The following LRRC37A2 variants were observed in gnomAD, a reference collection of about 807,000 sequenced individuals.
The protein encoded by LRRC37A2 is leucine rich repeat containing 37 member A2.
A neutral mutation model predicts 68.8 loss-of-function variants in LRRC37A2; 9 were observed. The ratio of observed to expected loss-of-function variants is 0.13; its 90% CI spans 0.08 to 0.23. LRRC37A2 has a LOEUF of 0.23. Among genes scored for constraint, LRRC37A2 ranks in the 10% least tolerant of loss-of-function variants. The probability of loss-of-function intolerance (pLI) is 1.00; values close to 1 mark genes in which losing one functional copy is unlikely to be tolerated. For missense variants in LRRC37A2, 168 were observed against 950.4 expected, an observed-to-expected ratio of 0.18 and a Z score of 10.82; for synonymous variants, 63 against 367.6, an observed-to-expected ratio of 0.17 and a Z score of 9.48.
chr17:46,811,589 G>A, the LRRC37A2 span, among the ~76,000 whole-genome samples: 1 of 152,124 alleles, frequency 6.6e-6, no homozygotes, highest in African/African-American at 2.4e-5. Context: ...GAGCAAACCT[G>A]CAGGCAGGCC....
the LRRC37A2 span, chr17:46,966,637 C>A: frequency 3.1e-6 from 2 of 635,592 alleles, no homozygotes; most frequent in Non-Finnish European, 5.7e-6. Context: ...GTATGAGCCA[C>A]CACCCTGACC....
the LRRC37A2 span, among the ~76,000 whole-genome samples, chr17:46,827,506 A>G: frequency 1.3e-5 from 2 of 152,310 alleles, no homozygotes; most frequent in African/African-American, 2.4e-5. Context: ...GAGCCAAGAG[A>G]GAGAAACAAA....
the LRRC37A2 span, chr17:46,930,301 A>G: frequency 6.6e-6 from 1 of 152,144 alleles, no homozygotes; most frequent in Non-Finnish European, 1.5e-5. Flanking sequence ...CACTGCTGTC[A>G]CTTCTTTATG....
chr17:46,918,006 C>G, the LRRC37A2 span, among the ~76,000 whole-genome samples: 1 of 152,222 alleles, frequency 6.6e-6, no homozygotes, highest in Non-Finnish European at 1.5e-5. Context: ...GTACTTTTCT[C>G]TACTAATTAT....
At chr17:46,500,858 A>C in the LRRC37A2 span, among the ~76,000 whole-genome samples, 1 of 151,144 alleles carries the variant, frequency 6.6e-6, no homozygotes, top group African/African-American at 2.5e-5. Context: ...ATGGTTCCCC[A>C]AACAGCACAA....
chr17:46,544,776 C>T (rs2048476), intron 8 of LRRC37A2, among the ~76,000 whole-genome samples: 50,734 of 87,236 alleles, frequency 0.58, 17,235 homozygotes, highest in South Asian at 0.79. Context: ...TTGTCTCGGT[C>T]ACCTCTTTTG....
chr17:46,935,932 G>T, the LRRC37A2 span: 4 of 985,830 alleles, frequency 4.1e-6, no homozygotes, highest in Non-Finnish European at 4.8e-6. Flanking sequence ...AGCACTCCCA[G>T]CCACTGAGCT....
the LRRC37A2 span, chr17:46,755,393 AC>A: frequency 6.3e-7 from 1 of 1,593,094 alleles, no homozygotes; most frequent in Non-Finnish European, 8.6e-7. Flanking sequence ...ACATTTAATG[AC>A]CATCAACCAA....
chr17:46,752,616 C>A, the LRRC37A2 span, among the ~76,000 whole-genome samples: 1 of 152,090 alleles, frequency 6.6e-6, no homozygotes, highest in Non-Finnish European at 1.5e-5. Context: ...CTACCACACT[C>A]AACTAATTTT....
At chr17:46,534,934 G>A (rs1477909793) in intron 6 of LRRC37A2, among the ~76,000 whole-genome samples, 120 of 149,122 alleles carry the variant, frequency 8.0e-4, no homozygotes, top group Non-Finnish European at 8.4e-4. Flanking sequence ...CAGATGGGGC[G>A]GCTGCCAGGC....
the LRRC37A2 span, among the ~76,000 whole-genome samples, chr17:46,899,685 A>G: frequency 6.6e-6 from 1 of 152,190 alleles, no homozygotes; most frequent in East Asian, 1.9e-4. Flanking sequence ...CTCTGGAATT[A>G]CTGGTGATGG....
At chr17:46,852,293 C>T in the LRRC37A2 span, among the ~76,000 whole-genome samples, 2 of 151,992 alleles carry the variant, frequency 1.3e-5, no homozygotes, top group Non-Finnish European at 2.9e-5. Context: ...CAGCTGGAGA[C>T]GCAGGAAGGA....
At chr17:46,557,976 C>A (rs1343374743), downstream of LRRC37A2, among the ~76,000 whole-genome samples, 3 of 131,700 alleles carry the variant, frequency 2.3e-5, no homozygotes, top group Non-Finnish European at 4.8e-5. Flanking sequence ...GGTCTGCAGG[C>A]CATATAGTAT....
rs1863116 is a variant in LRRC37A2, at chr17:46,548,670, G to C, written c.3531G>C (p.Arg1177Ser). The C allele has an allele frequency of 5.6e-6, 9 of 1,602,466 alleles. No homozygotes were observed. The East Asian group carries it at 1.3e-4, about 24-fold the overall frequency. ...TGGGCCCAAGGAGCATCCAGAAAAGGCACTTCAAAGAGGTAGGAAGGCAGA... is the reference window on the plus strand; with the variant it reads ...TGGGCCCAAGGAGCATCCAGAAAAGCCACTTCAAAGAGGTAGGAAGGCAGA... The change falls in exon 10 of 15, where the codon AGG becomes AGC. Residue 1177 changes from arginine (R) to serine (S), a missense_variant. Coordinates refer to ENST00000576629, the Ensembl canonical transcript of LRRC37A2.
chr17:46,745,197 C>G, the LRRC37A2 span, among the ~76,000 whole-genome samples: 272 of 152,304 alleles, frequency 1.8e-3, no homozygotes, highest in African/African-American at 6.3e-3. Flanking sequence ...CAGTGTTTCC[C>G]TTCAGACGAA....
chr17:46,847,967 A>AGCGTGTGTGTGT, the LRRC37A2 span, among the ~76,000 whole-genome samples: 5 of 149,584 alleles, frequency 3.3e-5, no homozygotes, highest in African/African-American at 1.2e-4. Context: ...TGATTTCCAA[A>AGCGTGTGTGTGT]GTGTGTGTGT....
chr17:46,884,423 G>A, the LRRC37A2 span, among the ~76,000 whole-genome samples: 13 of 152,312 alleles, frequency 8.5e-5, no homozygotes, highest in East Asian at 2.5e-3. Flanking sequence ...GGGGCGTGAG[G>A]GGGCACACAG....
the LRRC37A2 span, among the ~76,000 whole-genome samples, chr17:46,838,814 T>G: frequency 2.6e-5 from 4 of 152,120 alleles, no homozygotes; most frequent in Non-Finnish European, 5.9e-5. Flanking sequence ...TAGAGGCCTG[T>G]GCACAGAGAG....
the LRRC37A2 span, among the ~76,000 whole-genome samples, chr17:46,893,844 G>A: frequency 6.6e-6 from 1 of 152,300 alleles, no homozygotes; most frequent in South Asian, 2.1e-4. Flanking sequence ...AAGGTGGCCA[G>A]GGGCTGAGGG....
Sources: gnomAD v4.1 joint callset for allele counts (sites outside exome capture counted in the v4.1 genomes callset) on GRCh38, gnomAD v4.1.1 for gene constraint, MANE v1.5 for transcripts, NCBI Gene and HGNC (gene_info 2026-07-23, HGNC 2026-07-21) for gene names.